The following CCSER1 variants were observed in gnomAD, a reference collection of about 807,000 sequenced individuals.
The protein encoded by CCSER1 is coiled-coil serine rich protein 1.
Under a neutral mutation model 82.0 loss-of-function variants are expected in CCSER1, and 41 were observed. That is an observed-to-expected ratio of 0.50 (90% CI 0.39 to 0.65). The LOEUF (loss-of-function observed/expected upper bound fraction) is 0.65, where lower values mean the gene tolerates loss of function less well. Among genes scored for constraint, CCSER1 ranks in the 30% least tolerant of loss-of-function variants. The probability of loss-of-function intolerance (pLI) is 0.00; values close to 1 mark genes in which losing one functional copy is unlikely to be tolerated. For synonymous variants in CCSER1, 414 were observed against 383.9 expected (o/e 1.08, Z -0.92); for missense variants, 1,119 against 1,064.2 (o/e 1.05, Z -0.72).
intron 10 of CCSER1, among the ~76,000 whole-genome samples, chr4:91,377,392 T>C (rs1254162267): frequency 5.9e-5 from 9 of 152,048 alleles, no homozygotes; most frequent in Admixed American, 2.0e-4. Flanking sequence ...CCTATTTCTC[T>C]ACATCCTCTC....
intron 5 of CCSER1, among the ~76,000 whole-genome samples, chr4:90,478,718 A>ACTTT (rs1043792834): frequency 6.7e-6 from 1 of 149,804 alleles, no homozygotes; most frequent in Non-Finnish European, 1.5e-5. Context: ...AATAAATTGT[A>ACTTT]CTTTCTTTCT....
At chr4:90,172,977 T>C (rs1462572215) in intron 1 of CCSER1, among the ~76,000 whole-genome samples, 1 of 151,694 alleles carries the variant, frequency 6.6e-6, no homozygotes, top group Non-Finnish European at 1.5e-5. Context: ...ATTCTGGTGA[T>C]TGGGATAGTG....
At chr4:90,142,129 T>C (rs1486825740) in intron 1 of CCSER1, among the ~76,000 whole-genome samples, 1 of 152,228 alleles carries the variant, frequency 6.6e-6, no homozygotes, top group Non-Finnish European at 1.5e-5. Context: ...TCAATGAATA[T>C]GGATTTGTCT....
At chr4:91,370,950 C>T (rs1336544964) in intron 10 of CCSER1, among the ~76,000 whole-genome samples, 1 of 152,044 alleles carries the variant, frequency 6.6e-6, no homozygotes, top group African/African-American at 2.4e-5. Context: ...CAACCTCCGC[C>T]TCCTGGGTTC....
intron 7 of CCSER1, among the ~76,000 whole-genome samples, chr4:90,773,056 C>T (rs574848218): frequency 3.3e-5 from 5 of 152,044 alleles, no homozygotes; most frequent in African/African-American, 4.8e-5. Flanking sequence ...GCCTGACCAA[C>T]GTGGAGAAAC....
At chr4:91,341,385 A>G (rs1747708018) in intron 10 of CCSER1, among the ~76,000 whole-genome samples, 1 of 152,212 alleles carries the variant, frequency 6.6e-6, no homozygotes, top group South Asian at 2.1e-4. Flanking sequence ...TTGGTTTTAG[A>G]AAAAAGTTCT....
chr4:91,182,097 G>T (rs1734088208), intron 10 of CCSER1, among the ~76,000 whole-genome samples: 1 of 152,176 alleles, frequency 6.6e-6, no homozygotes, highest in Non-Finnish European at 1.5e-5. Context: ...TCTGTCCCCA[G>T]ATGGGTGGCT....
At chr4:90,559,648 C>T (rs1778501660) in intron 5 of CCSER1, among the ~76,000 whole-genome samples, 1 of 151,782 alleles carries the variant, frequency 6.6e-6, no homozygotes, top group Non-Finnish European at 1.5e-5. Flanking sequence ...TGGCAAAACC[C>T]TGTTTCTACA....
intron 8 of CCSER1, among the ~76,000 whole-genome samples, chr4:90,847,398 A>C (rs1763349553): frequency 6.6e-6 from 1 of 152,174 alleles, no homozygotes; most frequent in Admixed American, 6.5e-5. Flanking sequence ...GCATCTCAGA[A>C]GTCTCCCTCA....
intron 5 of CCSER1, among the ~76,000 whole-genome samples, chr4:90,469,683 A>G (rs975455392): frequency 6.6e-6 from 1 of 152,084 alleles, no homozygotes; most frequent in African/African-American, 2.4e-5. Flanking sequence ...TATGTTGACC[A>G]TTCTATAGCT....
At chr4:90,620,943 ATC>A (rs1722206402) in intron 5 of CCSER1, among the ~76,000 whole-genome samples, 1 of 152,102 alleles carries the variant, frequency 6.6e-6, no homozygotes, top group Admixed American at 6.6e-5. Context: ...CCTCCTGAGT[ATC>A]TGACATTATG....
At chr4:91,349,013 A>C (rs749405213) in intron 10 of CCSER1, among the ~76,000 whole-genome samples, 1 of 152,200 alleles carries the variant, frequency 6.6e-6, no homozygotes, top group Admixed American at 6.5e-5. Context: ...GGTTCACGCC[A>C]TTCTTCTGCC....
rs546632047 is a variant in CCSER1, at chr4:90,643,794, CT to C, written c.1932+15565del. On this transcript the variant is annotated intron_variant, in intron 6 of 10. Coordinates refer to ENST00000509176, the MANE Select transcript of CCSER1 (RefSeq NM_001145065.2). ...TAATTTCTTTAGCAGTCATAGGTTTCTTTGGGTGTAATAAGGGGATTAAAAA... is the reference window on the plus strand; with the variant it reads ...TAATTTCTTTAGCAGTCATAGGTTTCTTGGGTGTAATAAGGGGATTAAAAA... Among the ~76,000 whole-genome samples the C allele has an allele frequency of 7.3e-5, 11 of 149,902 alleles. No individual in the cohort carries two copies. In the South Asian group the frequency reaches 1.9e-3, roughly 26 times the overall value.
At chr4:90,501,047 A>C (rs147652086) in intron 5 of CCSER1, among the ~76,000 whole-genome samples, 78 of 152,170 alleles carry the variant, frequency 5.1e-4, no homozygotes, top group African/African-American at 1.8e-3. Flanking sequence ...AAGTGTTTTC[A>C]CTCTTGTCAT....
chr4:90,227,429 C>G (rs1261115620), intron 1 of CCSER1, among the ~76,000 whole-genome samples: 7 of 152,176 alleles, frequency 4.6e-5, no homozygotes, highest in African/African-American at 1.4e-4. Flanking sequence ...TATTTTACTT[C>G]CTAATATTTG....
At chr4:91,284,493 C>T (rs551519728) in intron 10 of CCSER1, among the ~76,000 whole-genome samples, 3 of 152,108 alleles carry the variant, frequency 2.0e-5, no homozygotes, top group East Asian at 1.9e-4. Flanking sequence ...CATTTCAGTT[C>T]GGGAGATTTC....
chr4:90,795,156 G>A (rs573426726), intron 7 of CCSER1, among the ~76,000 whole-genome samples: 100 of 151,930 alleles, frequency 6.6e-4, no homozygotes, highest in Non-Finnish European at 1.3e-3. Context: ...GCGTGGTTGC[G>A]GGCACCTGTA....
At chr4:90,586,191 T>C (rs1781996309) in intron 5 of CCSER1, among the ~76,000 whole-genome samples, 1 of 152,080 alleles carries the variant, frequency 6.6e-6, no homozygotes, top group South Asian at 2.1e-4. Context: ...ACGAATTCTA[T>C]TGTGTGCTGC....
chr4:90,533,978 A>G (rs1774953115), intron 5 of CCSER1, among the ~76,000 whole-genome samples: 1 of 152,234 alleles, frequency 6.6e-6, no homozygotes, highest in Non-Finnish European at 1.5e-5. Context: ...GTTTCCTGAA[A>G]GTAATTATGT....
Sources: gnomAD v4.1 joint callset for allele counts (sites outside exome capture counted in the v4.1 genomes callset) on GRCh38, gnomAD v4.1.1 for gene constraint, MANE v1.5 for transcripts, NCBI Gene and HGNC (gene_info 2026-07-23, HGNC 2026-07-21) for gene names.